The following TCHP variants were observed in gnomAD, a reference collection of about 807,000 sequenced individuals.
The protein encoded by TCHP is trichoplein keratin filament binding, also known as trichoplein keratin filament-binding protein.
A neutral mutation model predicts 88.7 loss-of-function variants in TCHP; 81 were observed. The observed-to-expected ratio is 0.91, with a 90% confidence interval of 0.76 to 1.10. The LOEUF is 1.10. Ranked by LOEUF, TCHP falls within the 50% of genes least tolerant of loss-of-function variation. TCHP has a pLI of 0.00. For missense variants in TCHP, 641 were observed against 632.1 expected (o/e 1.01, Z -0.15); for synonymous variants, 232 against 232.5 (o/e 1.00, Z 0.02).
chr12:109,912,932 A>G (rs911134472), intron 9 of TCHP, 59 bp from the exon 10 acceptor site: 1 of 1,471,192 alleles, frequency 6.8e-7, no homozygotes, highest in Non-Finnish European at 9.5e-7. Context: ...TCTGTTCCGT[A>G]GCTCGCTTCC....
chr12:109,897,562 C>G (rs1228338971), upstream of TCHP, among the ~76,000 whole-genome samples: 1 of 148,574 alleles, frequency 6.7e-6, no homozygotes, highest in African/African-American at 2.6e-5. Context: ...TTCTTTCTTT[C>G]TTTCTTTTTT....
In TCHP at chr12:109,914,458, A is replaced by G. The variant is rs750297954; in HGVS notation, c.1151A>G (p.Gln384Arg). The change falls in exon 11 of 13, where the codon CAA becomes CGA. Residue 384 changes from glutamine (Q) to arginine (R), a missense_variant. Coordinates refer to ENST00000405876, the MANE Select transcript of TCHP (RefSeq NM_001143852.2). ...TGAGGTTAGGTTCTGACAGGGAGACAACAGCAAATACAAGAGAAGATTGAG... is the reference window on the plus strand; with the variant it reads ...TGAGGTTAGGTTCTGACAGGGAGACGACAGCAAATACAAGAGAAGATTGAG... Reference protein sequence around the residue: ...RLMSEVLTGRQQQIQEKIEQN... With the variant: ...RLMSEVLTGRRQQIQEKIEQN... The G allele has an allele frequency of 6.2e-7, 1 of 1,613,296 alleles. No homozygotes were observed. Among genetic ancestry groups the G allele is most frequent in the Non-Finnish European group, 8.5e-7 (1 of 1,179,404 alleles).
rs768874843 is a variant in TCHP at position 109,906,649 on chromosome 12, T to C, written c.525+9T>C. On this transcript the variant is annotated intron_variant, in intron 5 of 12. Transcript: ENST00000405876. ...AAGAAGAAAAAAAACAGGTGTGGTATGTGGCTCTGGGAATAGCCGCGTATT... is the reference window on the plus strand; with the variant it reads ...AAGAAGAAAAAAAACAGGTGTGGTACGTGGCTCTGGGAATAGCCGCGTATT... 1.1e-5 allele frequency: 18 copies of C among 1,603,958 alleles called. No individual in the cohort carries two copies. Among genetic ancestry groups the C allele is most frequent in the Non-Finnish European group, 1.4e-5 (16 of 1,179,152 alleles).
At chr12:109,883,530 C>T in the TCHP span, among the ~76,000 whole-genome samples, 2 of 152,050 alleles carry the variant, frequency 1.3e-5, no homozygotes, top group Admixed American at 1.3e-4. Context: ...AGGCTTGTTC[C>T]CACCCCACCC....
chr12:109,915,228 T>G, intron 11 of TCHP, 175 bp from the exon 12 acceptor site: 2 of 796,954 alleles, frequency 2.5e-6, no homozygotes, highest in Non-Finnish European at 4.2e-6. Flanking sequence ...GTACACACCA[T>G]GCATACAGCC....
intron 9 of TCHP, among the ~76,000 whole-genome samples, chr12:109,912,199 C>A (rs1190297909): frequency 6.6e-6 from 1 of 152,190 alleles, no homozygotes; most frequent in Non-Finnish European, 1.5e-5. Flanking sequence ...TAATAAGTAG[C>A]ATACATTGAG....
intron 12 of TCHP, 85 bp downstream of exon 12, chr12:109,915,631 G>T: frequency 1.4e-6 from 2 of 1,448,710 alleles, no homozygotes. Context: ...TCATCGCCCC[G>T]CGCCGGGGTC....
the TCHP span, among the ~76,000 whole-genome samples, chr12:109,888,867 G>A: frequency 1.6e-3 from 245 of 152,144 alleles, 1 homozygote; most frequent in Non-Finnish European, 2.9e-3. Context: ...GTATCACTAG[G>A]GCAAAATCAA....
the TCHP span, among the ~76,000 whole-genome samples, chr12:109,882,127 G>A: frequency 6.6e-6 from 1 of 152,160 alleles, no homozygotes; most frequent in African/African-American, 2.4e-5. Context: ...GAAGCCTGTT[G>A]GCTGAGATCG....
At position 109,917,058 on chromosome 12, in the gene TCHP, T is replaced by C. The variant is rs1870859061; in HGVS notation, c.*435T>C. The C allele has an allele frequency of 6.4e-6, 1 of 156,804 alleles. No homozygotes were observed. Among genetic ancestry groups the C allele is most frequent in the Non-Finnish European group, 1.4e-5 (1 of 71,278 alleles). The allele number at this position is 156,804 out of a possible 1,614,324, so 9.7% of individuals were successfully genotyped here. A position where few individuals can be genotyped will look rare whatever the true frequency, so the allele number is the denominator to read the frequency against. ...AAAATTGCCATTTAAATTTAGTCTA[T>C]TAAAAACAAACCTAGAGGTCTTGGT... On this transcript the variant is annotated 3_prime_UTR_variant, in exon 13 of 13. Transcript: ENST00000405876.
At chr12:109,904,902 C>G (rs953926498) in intron 4 of TCHP, 109 bp downstream of exon 4, 6 of 941,536 alleles carry the variant, frequency 6.4e-6, no homozygotes, top group Middle Eastern at 2.9e-4. Context: ...GAGGAGGGAA[C>G]CTTGAGCCAC....
At chr12:109,909,255 G>A (rs113253903) in intron 8 of TCHP, among the ~76,000 whole-genome samples, 108 of 152,308 alleles carry the variant, frequency 7.1e-4, no homozygotes, top group African/African-American at 2.4e-3. Context: ...CTTTCCCAGT[G>A]TCTGTGTGTA....
the TCHP span, among the ~76,000 whole-genome samples, chr12:109,885,780 CT>C: frequency 3.4e-3 from 481 of 143,206 alleles, no homozygotes; most frequent in Middle Eastern, 3.5e-3. Context: ...CGCACCCCGC[CT>C]TTTTTTTTTT....
At chr12:109,885,684 T>C in the TCHP span, among the ~76,000 whole-genome samples, 2 of 152,004 alleles carry the variant, frequency 1.3e-5, no homozygotes, top group African/African-American at 2.4e-5. Context: ...GGTTTCACCG[T>C]GTTAGCCAGG....
chr12:109,915,514 G>A lies in TCHP; in HGVS notation c.1432G>A (p.Glu478Lys). The A allele has an allele frequency of 6.2e-7, 1 of 1,614,062 alleles. No individual in the cohort carries two copies. The highest frequency in any genetic ancestry group is 8.5e-7 in the Non-Finnish European group (1 of 1,180,002). The change falls in exon 12 of 13, where the codon GAG becomes AAG. Residue 478 changes from glutamate (E) to lysine (K), a missense_variant. Physicochemically the swap from Glu to Lys is moderately conservative, Grantham distance 56. Coordinates refer to ENST00000405876, the MANE Select transcript of TCHP (RefSeq NM_001143852.2). Reference sequence around the variant, plus strand: ...AGATGCCCTGCTGCAGCAGGAGGCGGAGACTATGGCTGAGCAGGGCTACCG... The same window carrying A: ...AGATGCCCTGCTGCAGCAGGAGGCGAAGACTATGGCTGAGCAGGGCTACCG... ...LSDALLQQEA[E>K]TMAEQGYRPK...
At chr12:109,902,763 G>T (rs568357882) in intron 1 of TCHP, among the ~76,000 whole-genome samples, 1 of 152,148 alleles carries the variant, frequency 6.6e-6, no homozygotes, top group East Asian at 1.9e-4. Flanking sequence ...CGTGAGCCAC[G>T]GCAAATTTAA....
chr12:109,911,261 G>T, intron 9 of TCHP, 26 bp downstream of exon 9: 1 of 1,345,168 alleles, frequency 7.4e-7, no homozygotes. Flanking sequence ...TGACTGGGCT[G>T]GATGCTCCTG....
intron 1 of TCHP, among the ~76,000 whole-genome samples, chr12:109,902,328 C>G (rs1869846624): frequency 2.0e-5 from 3 of 152,028 alleles, no homozygotes; most frequent in Admixed American, 2.0e-4. Flanking sequence ...ACCACCACTC[C>G]TGGCTAATTT....
At position 109,915,489 on chromosome 12, in the gene TCHP, A is replaced by G. The variant is rs745753181; in HGVS notation, c.1407A>G (p.Ser469=). 1.2e-6 allele frequency: 2 copies of G among 1,613,976 alleles called. No homozygotes were observed. Among genetic ancestry groups the G allele is most frequent in the African/African-American group, 1.3e-5 (1 of 74,930 alleles). The part of the protein sequence containing the change: ...EEEARRVEQL[S]DALLQQEAET... ...AGGCCCGGCGGGTCGAGCAGCTCTC[A>G]GATGCCCTGCTGCAGCAGGAGGCGG... The change falls in exon 12 of 13, where the codon TCA becomes TCG. Residue 469 remains serine, a synonymous_variant. Transcript: ENST00000405876.
Sources: gnomAD v4.1 joint callset for allele counts (sites outside exome capture counted in the v4.1 genomes callset) on GRCh38, gnomAD v4.1.1 for gene constraint, MANE v1.5 for transcripts, NCBI Gene and HGNC (gene_info 2026-07-23, HGNC 2026-07-21) for gene names.